Variants in HIVEP3 observed in about 807,000 individuals in gnomAD.
HIVEP3 encodes the protein HIVEP zinc finger 3.
Under a neutral mutation model 152.8 loss-of-function variants are expected in HIVEP3, and 49 were observed. That is an observed-to-expected ratio of 0.32 (90% CI 0.26 to 0.41). The LOEUF is 0.41. Ranked by LOEUF, HIVEP3 falls within the 10% of genes least tolerant of loss-of-function variation. The pLI is 1.00. For synonymous variants in HIVEP3, 1,269 were observed against 1,289.0 expected, an observed-to-expected ratio of 0.98 and a Z score of 0.33; for missense variants, 2,790 against 3,103.3, an observed-to-expected ratio of 0.90 and a Z score of 2.40.
At chr1:41,842,356 A>G (rs1223362022) in intron 1 of HIVEP3, among the ~76,000 whole-genome samples, 1 of 152,174 alleles carries the variant, frequency 6.6e-6, no homozygotes, top group Admixed American at 6.5e-5. Flanking sequence ...AACAGGACCC[A>G]CAAAGGAGCC....
intron 2 of HIVEP3, among the ~76,000 whole-genome samples, chr1:41,642,889 A>T (rs67075306): frequency 6.6e-6 from 1 of 152,018 alleles, no homozygotes; most frequent in East Asian, 1.9e-4. Context: ...ACAGCTACTC[A>T]GACTCTGAGT....
At position 41,580,574 on chromosome 1, in the gene HIVEP3, A is replaced by AT; in HGVS notation, c.4223_4224insA (p.Ser1409PhefsTer31). 6.2e-7 allele frequency: 1 copy of AT among 1,614,198 alleles called. No individual in the cohort carries two copies. Among genetic ancestry groups the AT allele is most frequent in the Non-Finnish European group, 8.5e-7 (1 of 1,180,042 alleles). ...TCAAGATACTCTCTGATGACAGGGA[A>AT]GTGCCTTTTCTTTCAGGTAATGTCA... On this transcript the variant is annotated frameshift_variant, in exon 4 of 9. Coordinates refer to ENST00000372583, the MANE Select transcript of HIVEP3 (RefSeq NM_024503.5). LOFTEE classifies it high-confidence loss of function.
chr1:41,569,335 C>T (rs565893167), intron 5 of HIVEP3, among the ~76,000 whole-genome samples: 6 of 152,242 alleles, frequency 3.9e-5, no homozygotes, highest in Non-Finnish European at 7.4e-5. Flanking sequence ...CCAACCTCCA[C>T]GCCACCAACC....
intron 1 of HIVEP3, among the ~76,000 whole-genome samples, chr1:41,845,413 A>ACACACG (rs1157452967): frequency 3.2e-5 from 3 of 94,602 alleles, no homozygotes; most frequent in Non-Finnish European, 6.1e-5. Context: ...ATACACACAC[A>ACACACG]CACACGCACA....
intron 1 of HIVEP3, among the ~76,000 whole-genome samples, chr1:41,951,680 A>T (rs191041827): frequency 6.6e-6 from 1 of 152,190 alleles, no homozygotes; most frequent in East Asian, 1.9e-4. Flanking sequence ...ACGTACAATC[A>T]TGGTGGAAGG....
chr1:41,761,304 G>C (rs1403769665), intron 1 of HIVEP3, among the ~76,000 whole-genome samples: 1 of 152,180 alleles, frequency 6.6e-6, no homozygotes, highest in Non-Finnish European at 1.5e-5. Flanking sequence ...GTGAGTGTGT[G>C]AGTGTATGGT....
chr1:41,765,689 C>T (rs977527359), intron 1 of HIVEP3, among the ~76,000 whole-genome samples: 2 of 152,206 alleles, frequency 1.3e-5, no homozygotes, highest in East Asian at 1.9e-4. Context: ...AAGGTCTACC[C>T]TATATATTAT....
intron 1 of HIVEP3, among the ~76,000 whole-genome samples, chr1:41,712,383 G>A (rs1472377162): frequency 6.6e-6 from 1 of 152,218 alleles, no homozygotes; most frequent in African/African-American, 2.4e-5. Flanking sequence ...CGAAGGCCAG[G>A]CCCTGCCTCT....
At chr1:41,541,039 A>T (rs1643518987) in intron 5 of HIVEP3, among the ~76,000 whole-genome samples, 1 of 152,096 alleles carries the variant, frequency 6.6e-6, no homozygotes, top group Non-Finnish European at 1.5e-5. Context: ...CAGAGGACTG[A>T]GGTGGCCTGT....
At chr1:41,698,474 T>C (rs974962612) in intron 2 of HIVEP3, among the ~76,000 whole-genome samples, 3 of 152,234 alleles carry the variant, frequency 2.0e-5, no homozygotes, top group Admixed American at 1.3e-4. Context: ...GGCCTTATCA[T>C]GTAGCTCATC....
intron 1 of HIVEP3, among the ~76,000 whole-genome samples, chr1:41,990,724 A>G (rs1284683882): frequency 2.0e-4 from 30 of 149,746 alleles, no homozygotes; most frequent in South Asian, 8.6e-4. Flanking sequence ...CACCACACCT[A>G]TTCCAAAATT....
rs149280022 is a variant in HIVEP3 at position 41,811,814 on chromosome 1, G to A, written c.-801+106599C>T. 2.6e-3 allele frequency among the ~76,000 whole-genome samples: 390 copies of A among 152,168 alleles called. 1 individual carries two copies. The highest frequency in any genetic ancestry group is 4.4e-3 in the Non-Finnish European group (296 of 68,012). ...TCCTAAAAGAGGGAATACGAAAATCGCAGTTGCTGTAGTTGTACAGATGAG... is the reference window on the plus strand; with the variant it reads ...TCCTAAAAGAGGGAATACGAAAATCACAGTTGCTGTAGTTGTACAGATGAG... On this transcript the variant is annotated intron_variant, in intron 1 of 8. Transcript: ENST00000372583.
chr1:41,509,071 G>T lies in HIVEP3; in HGVS notation c.*1380C>A, dbSNP rs1644413121. The T allele has an allele frequency of 6.6e-6, 1 of 152,352 alleles. No homozygotes were observed. Among genetic ancestry groups the T allele is most frequent in the Non-Finnish European group, 1.5e-5 (1 of 68,036 alleles). 9.4% of individuals were successfully genotyped at this position (152,352 alleles called of 1,614,324 possible). A position where few individuals can be genotyped will look rare whatever the true frequency, so the allele number is the denominator to read the frequency against. On this transcript the variant is annotated 3_prime_UTR_variant, in exon 9 of 9. Coordinates refer to ENST00000372583, the MANE Select transcript of HIVEP3 (RefSeq NM_024503.5). Reference sequence around the variant, plus strand: ...GTTTTGCCCCAGGAAATGCAGGGCAGCTTCTTGAAAGTAGAGATGTGGGTA... The same window carrying T: ...GTTTTGCCCCAGGAAATGCAGGGCATCTTCTTGAAAGTAGAGATGTGGGTA...
chr1:41,793,597 T>G (rs932205375), intron 1 of HIVEP3, among the ~76,000 whole-genome samples: 1 of 152,142 alleles, frequency 6.6e-6, no homozygotes, highest in African/African-American at 2.4e-5. Context: ...GTCTACTACA[T>G]GCTAGGCATA....
chr1:41,935,896 C>T (rs1053035532), intron 1 of HIVEP3, among the ~76,000 whole-genome samples: 2 of 151,792 alleles, frequency 1.3e-5, no homozygotes, highest in African/African-American at 4.8e-5. Flanking sequence ...AGCAACAGCA[C>T]AGCAATGAGT....
At chr1:41,609,586 GCT>G (rs1644869642) in intron 3 of HIVEP3, among the ~76,000 whole-genome samples, 1 of 152,200 alleles carries the variant, frequency 6.6e-6, no homozygotes, top group Non-Finnish European at 1.5e-5. Flanking sequence ...TTGCTCAAAG[GCT>G]GTCTCCAATC....
At chr1:41,901,708 G>A (rs1199535167) in intron 1 of HIVEP3, among the ~76,000 whole-genome samples, 1 of 152,178 alleles carries the variant, frequency 6.6e-6, no homozygotes, top group Non-Finnish European at 1.5e-5. Context: ...TTCAGGAGCA[G>A]GTGTGGCTGG....
At chr1:41,670,223 G>A (rs1295923978) in intron 2 of HIVEP3, among the ~76,000 whole-genome samples, 1 of 152,152 alleles carries the variant, frequency 6.6e-6, no homozygotes, top group Non-Finnish European at 1.5e-5. Flanking sequence ...GTCCTCATGG[G>A]TGTGATCCCA....
At chr1:41,802,561 A>C (rs753977107) in intron 1 of HIVEP3, among the ~76,000 whole-genome samples, 47 of 152,138 alleles carry the variant, frequency 3.1e-4, no homozygotes, top group Non-Finnish European at 6.3e-4. Context: ...TAAAAAGGTG[A>C]TGGAGGGTGG....
Sources: gnomAD v4.1 joint callset for allele counts (sites outside exome capture counted in the v4.1 genomes callset) on GRCh38, gnomAD v4.1.1 for gene constraint, MANE v1.5 for transcripts, NCBI Gene and HGNC (gene_info 2026-07-23, HGNC 2026-07-21) for gene names.